Variants in DOCK1 observed in about 807,000 individuals in gnomAD.
The protein encoded by DOCK1 is dedicator of cytokinesis protein 1.
DOCK1 carries 138 observed loss-of-function variants against 262.7 expected under a neutral mutation model. That is an observed-to-expected ratio of 0.53 (90% confidence interval 0.46 to 0.61). The LOEUF (loss-of-function observed/expected upper bound fraction) is 0.61, where lower values mean the gene tolerates loss of function less well. DOCK1 is among the 20% of genes least tolerant of loss of function. The pLI is 0.00. For synonymous variants in DOCK1, 866 were observed against 867.4 expected (o/e 1.00, Z 0.03); for missense variants, 1,908 against 2,370.7 (o/e 0.80, Z 4.05).
At chr10:127,076,046 G>A (rs2046514153) in intron 23 of DOCK1, among the ~76,000 whole-genome samples, 1 of 152,312 alleles carries the variant, frequency 6.6e-6, no homozygotes, top group Non-Finnish European at 1.5e-5. Flanking sequence ...TCTCCACCCA[G>A]TGTGTGGACA....
At chr10:127,383,979 G>A (rs147724736) in intron 37 of DOCK1, among the ~76,000 whole-genome samples, 4 of 152,138 alleles carry the variant, frequency 2.6e-5, no homozygotes, top group Non-Finnish European at 5.9e-5. Flanking sequence ...GCAGTAGCCT[G>A]GTCCTAGCTC....
chr10:126,924,501 A>G (rs2033522266), intron 1 of DOCK1, among the ~76,000 whole-genome samples: 2 of 152,100 alleles, frequency 1.3e-5, no homozygotes, highest in Middle Eastern at 3.4e-3. Context: ...GAGTGCTGGA[A>G]CTGTCTCTGG....
At chr10:127,127,256 A>G (rs527789425) in intron 26 of DOCK1, among the ~76,000 whole-genome samples, 2 of 152,342 alleles carry the variant, frequency 1.3e-5, no homozygotes, top group African/African-American at 4.8e-5. Flanking sequence ...TAAACATTCT[A>G]TCCTGTGTGA....
At chr10:126,940,549 G>A (rs917721302) in intron 1 of DOCK1, among the ~76,000 whole-genome samples, 56 of 152,154 alleles carry the variant, frequency 3.7e-4, no homozygotes, top group African/African-American at 1.3e-3. Context: ...GATTACAGGC[G>A]CCTGCCACCA....
chr10:127,371,905 T>C (rs1276983251), intron 33 of DOCK1, among the ~76,000 whole-genome samples: 1 of 152,204 alleles, frequency 6.6e-6, no homozygotes, highest in East Asian at 1.9e-4. Context: ...CAAAAGGTTG[T>C]TATTTTACAG....
chr10:127,177,284 T>C (rs1473591402), intron 27 of DOCK1: 1 of 152,238 alleles, frequency 6.6e-6, no homozygotes, highest in Non-Finnish European at 1.5e-5. Flanking sequence ...ATGTTAATCA[T>C]GCAAATTCAT....
intron 27 of DOCK1, among the ~76,000 whole-genome samples, chr10:127,157,154 A>G (rs2053164061): frequency 1.3e-5 from 2 of 152,186 alleles, no homozygotes; most frequent in South Asian, 4.1e-4. Flanking sequence ...GTGAAGCAGT[A>G]TTTTGGTCTA....
At position 126,996,334 on chromosome 10, in the gene DOCK1, C is replaced by T. The variant is rs906345286; in HGVS notation, c.474-414C>T. On this transcript the variant is annotated intron_variant, in intron 6 of 51. Transcript: ENST00000623213. ...GATGGAGGTTGCAGTGAGCCGAGAT[C>T]GCACCACTGCACTCCAGTATGGGCA... Among the ~76,000 whole-genome samples, 17 of 140,258 alleles carry T rather than the reference C, an allele frequency of 1.2e-4. 1 individual carries two copies. Among genetic ancestry groups the T allele is most frequent in the African/African-American group, 2.7e-4 (10 of 37,578 alleles). The allele number at this position is 140,258 out of a possible 152,430, so 92.0% of individuals were successfully genotyped here.
At chr10:127,026,990 T>G (rs2042910650) in intron 16 of DOCK1, among the ~76,000 whole-genome samples, 1 of 152,246 alleles carries the variant, frequency 6.6e-6, no homozygotes, top group Non-Finnish European at 1.5e-5. Context: ...AATTGTCAAC[T>G]AAAGCTGTAG....
intron 51 of DOCK1, among the ~76,000 whole-genome samples, chr10:127,448,507 G>A (rs1301767538): frequency 1.3e-5 from 2 of 152,180 alleles, no homozygotes; most frequent in East Asian, 1.9e-4. Context: ...TCGGGCCCAG[G>A]CATGTGTGGA....
chr10:127,384,079 T>G (rs984116815), intron 37 of DOCK1, among the ~76,000 whole-genome samples: 4 of 152,198 alleles, frequency 2.6e-5, no homozygotes, highest in African/African-American at 9.6e-5. Flanking sequence ...TGACCTGGTT[T>G]GTGGCACACA....
In DOCK1 at chr10:126,942,732, G is replaced by A. The variant is rs1057187169; in HGVS notation, c.47-27970G>A. Among the ~76,000 whole-genome samples the A allele has an allele frequency of 5.2e-3, 794 of 152,170 alleles. 27 individuals carry two copies. Among genetic ancestry groups the A allele is most frequent in the Admixed American group, 0.044 (669 of 15,290 alleles). The stretch of plus-strand genomic sequence containing the variant: ...GTTACACAAATTCATTAAAAGATAA[G>A]CATGATCTGTCCTGTTGGGAAGCTT... On this transcript the variant is annotated intron_variant, in intron 1 of 51. Transcript: ENST00000623213.
At chr10:126,978,669 C>T (rs373483871) in intron 3 of DOCK1, among the ~76,000 whole-genome samples, 31 of 152,256 alleles carry the variant, frequency 2.0e-4, no homozygotes, top group African/African-American at 7.0e-4. Context: ...GGGCTGTCCA[C>T]GTTACCCAAT....
intron 35 of DOCK1, among the ~76,000 whole-genome samples, chr10:127,377,739 A>T (rs2065583238): frequency 6.6e-6 from 1 of 152,004 alleles, no homozygotes; most frequent in African/African-American, 2.4e-5. Flanking sequence ...TAAAAATACA[A>T]AAATTAGCTG....
chr10:127,134,930 G>A (rs2050560975), intron 27 of DOCK1, among the ~76,000 whole-genome samples: 1 of 152,140 alleles, frequency 6.6e-6, no homozygotes, highest in Non-Finnish European at 1.5e-5. Context: ...GTGTCAGCAG[G>A]AGAGGTAGGC....
chr10:126,938,736 C>G (rs1364613637), intron 1 of DOCK1, among the ~76,000 whole-genome samples: 11 of 151,102 alleles, frequency 7.3e-5, no homozygotes, highest in African/African-American at 2.7e-4. Flanking sequence ...CTGCTACATT[C>G]TCCAGAGGGG....
intron 1 of DOCK1, among the ~76,000 whole-genome samples, chr10:126,906,601 C>T (rs2030894105): frequency 6.6e-6 from 1 of 152,196 alleles, no homozygotes; most frequent in Admixed American, 6.5e-5. Flanking sequence ...GGTCTCGCCT[C>T]CCACAGCCCA....
At chr10:127,252,087 G>A (rs1175057944) in intron 28 of DOCK1, among the ~76,000 whole-genome samples, 3 of 149,630 alleles carry the variant, frequency 2.0e-5, no homozygotes, top group South Asian at 4.4e-4. Flanking sequence ...TCTAACTGGT[G>A]TGAGATGGTA....
chr10:127,097,644 G>A (rs1396380900), intron 23 of DOCK1, among the ~76,000 whole-genome samples: 1 of 152,164 alleles, frequency 6.6e-6, no homozygotes, highest in African/African-American at 2.4e-5. Context: ...CCCACTGGTG[G>A]ACAGACGAAA....
Sources: allele counts gnomAD v4.1 joint callset (sites outside exome capture counted in the v4.1 genomes callset), GRCh38; gene constraint gnomAD v4.1.1; transcripts MANE v1.5; gene names NCBI Gene and HGNC (gene_info 2026-07-23, HGNC 2026-07-21).